CABIN1: variants seen among roughly 807,000 people sequenced by gnomAD.
The protein encoded by CABIN1 is calcineurin-binding protein cabin-1.
CABIN1 carries 133 observed loss-of-function variants against 227.7 expected under a neutral mutation model. The ratio of observed to expected loss-of-function variants is 0.58; its 90% CI spans 0.51 to 0.67. The LOEUF (loss-of-function observed/expected upper bound fraction) is 0.67. Among genes scored for constraint, CABIN1 ranks in the 30% least tolerant of loss-of-function variants. CABIN1 has a pLI of 0.00. For missense variants in CABIN1, 2,408 were observed against 2,852.5 expected, an observed-to-expected ratio of 0.84 and a Z score of 3.55; for synonymous variants, 1,086 against 1,155.1, an observed-to-expected ratio of 0.94 and a Z score of 1.21.
At chr22:24,053,925 G>A (rs1037601806) in intron 8 of CABIN1, among the ~76,000 whole-genome samples, 3 of 152,152 alleles carry the variant, frequency 2.0e-5, no homozygotes, top group Non-Finnish European at 4.4e-5. Context: ...GGGGAAGGCT[G>A]GGTGGTGGAG....
intron 26 of CABIN1, among the ~76,000 whole-genome samples, chr22:24,100,125 G>A (rs1464501086): frequency 6.6e-6 from 1 of 152,282 alleles, no homozygotes; most frequent in South Asian, 2.1e-4. Context: ...TTCAGTGGTT[G>A]CACAGTTTTG....
chr22:24,109,976 C>T (rs1057362385), intron 26 of CABIN1, among the ~76,000 whole-genome samples: 6 of 152,090 alleles, frequency 3.9e-5, no homozygotes, highest in African/African-American at 1.4e-4. Flanking sequence ...TTGAGACCAG[C>T]CTGTCTAACA....
In CABIN1 at chr22:24,064,097, C is replaced by G. The variant is rs201157491; in HGVS notation, c.1947C>G (p.Thr649=). The G allele has an allele frequency of 2.7e-5, 44 of 1,613,986 alleles. No homozygotes were observed. The highest frequency in any genetic ancestry group is 3.5e-5 in the Non-Finnish European group (41 of 1,179,972). ...DICTEMLQSS[T]AIQVEAGAER... is the part of the protein sequence containing the mutation. ...GCACAGAAATGCTCCAGAGTTCCACCGCCATCCAGGTGGAGGCAGGGGCTG... is the reference window on the plus strand; with the variant it reads ...GCACAGAAATGCTCCAGAGTTCCACGGCCATCCAGGTGGAGGCAGGGGCTG... The change falls in exon 15 of 37, where the codon ACC becomes ACG. Residue 649 remains threonine (T), a synonymous_variant. Coordinates refer to ENST00000263119, the MANE Select transcript of CABIN1 (RefSeq NM_012295.4).
At chr22:24,057,368 G>A (rs12171117) in intron 10 of CABIN1, among the ~76,000 whole-genome samples, 3 of 152,182 alleles carry the variant, frequency 2.0e-5, no homozygotes, top group Non-Finnish European at 4.4e-5. Flanking sequence ...TCCCTTAGCT[G>A]AGTGGAGAGG....
At chr22:24,125,641 A>G (rs137863189) in intron 28 of CABIN1, among the ~76,000 whole-genome samples, 11 of 152,316 alleles carry the variant, frequency 7.2e-5, no homozygotes, top group Admixed American at 1.3e-4. Flanking sequence ...GCTGGCCACA[A>G]AGCAGGGTGT....
At chr22:24,079,499 G>A (rs919758049) in intron 19 of CABIN1, among the ~76,000 whole-genome samples, 1 of 152,060 alleles carries the variant, frequency 6.6e-6, no homozygotes, top group East Asian at 1.9e-4. Context: ...CAAAATTATT[G>A]AACAGTTTTA....
In CABIN1 at chr22:24,067,093, C is replaced by T. The variant is rs777687817; in HGVS notation, c.2144C>T (p.Thr715Ile). 1 of 1,614,230 alleles carries T rather than the reference C, an allele frequency of 6.2e-7. No individual in the cohort carries two copies. Among genetic ancestry groups the T allele is most frequent in the Non-Finnish European group, 8.5e-7 (1 of 1,180,038 alleles). Residue 715 changes from threonine to isoleucine, a missense_variant, in exon 16 of 37, where the codon ACT (threonine) becomes ATT (isoleucine). By Grantham distance (89) the Thr-to-Ile change is moderately conservative (BLOSUM62 -1). Transcript: ENST00000263119. Reference sequence around the variant, plus strand: ...GCTGTTGTGCATCTGCTCCGCCCCACTTTGTGCACCAGTGGGTTTGACCGG... The same window carrying T: ...GCTGTTGTGCATCTGCTCCGCCCCATTTTGTGCACCAGTGGGTTTGACCGG... ...YKAVVHLLRP[T>I]LCTSGFDRAK...
At chr22:24,164,366 C>A (rs1403969406) in intron 29 of CABIN1, 34 bp from the exon 30 acceptor site, 1 of 1,599,348 alleles carries the variant, frequency 6.3e-7, no homozygotes, top group Admixed American at 1.7e-5. Context: ...GCCACAACCA[C>A]CCCCCTCACA....
At chr22:24,029,737 G>A (rs2036359421) in intron 1 of CABIN1, among the ~76,000 whole-genome samples, 1 of 152,146 alleles carries the variant, frequency 6.6e-6, no homozygotes, top group South Asian at 2.1e-4. Flanking sequence ...GGGCAGAAGG[G>A]GTGCTGGTCT....
chr22:24,018,514 G>A (rs1459068192), intron 1 of CABIN1, among the ~76,000 whole-genome samples: 1 of 152,178 alleles, frequency 6.6e-6, no homozygotes, highest in Non-Finnish European at 1.5e-5. Context: ...TTTTCCAACA[G>A]TGAATACTGT....
intron 4 of CABIN1, among the ~76,000 whole-genome samples, chr22:24,040,789 T>G (rs1436938932): frequency 6.6e-6 from 1 of 152,222 alleles, no homozygotes; most frequent in Admixed American, 6.5e-5. Context: ...ATACTTTGTC[T>G]TTTATCTTAT....
rs774748257 is a variant in CABIN1, at chr22:24,171,833, A to G, written c.5878A>G (p.Ser1960Gly). ...PVPADSVQRP[S>G]DAHTKPRPAL... ...GCCAGCTGACTCTGTCCAGCGGCCC[A>G]GTGATGCTCACACCAAGCCTCGCCC... Residue 1960 changes from serine to glycine, a missense_variant, in exon 34 of 37, where the codon AGT (serine) becomes GGT (glycine). Ser to Gly is a moderately conservative substitution (Grantham distance 56, BLOSUM62 0). This residue lies in a region of CABIN1 where 714 missense variants were observed against 773.8 expected (regional missense o/e 0.92). Transcript: ENST00000263119. 2.4e-5 allele frequency: 38 copies of G among 1,614,006 alleles called. No individual in the cohort carries two copies. The highest frequency in any genetic ancestry group is 5.0e-5 in the Admixed American group (3 of 60,006).
In CABIN1 at chr22:24,042,973, C is replaced by G. The variant is rs753351557; in HGVS notation, c.415C>G (p.Arg139Gly). 1.1e-5 allele frequency: 18 copies of G among 1,613,700 alleles called. 1 individual carries two copies. The South Asian group carries it at 1.9e-4, about 17-fold the overall frequency. The change falls in exon 6 of 37, where the codon CGG (arginine) becomes GGG (glycine). Residue 139 changes from arginine (R) to glycine (G), a missense_variant. Around this residue, in one of 3 missense-constraint regions of CABIN1, gnomAD observed 1,045 missense variants for 1,168.4 expected, o/e 0.89. Transcript: ENST00000263119. ...TGGACATGTGGCCCTGAGGCTCATCCGGATCCCCCTGGCTCGCCATGCTTT... is the reference window on the plus strand; with the variant it reads ...TGGACATGTGGCCCTGAGGCTCATCGGGATCCCCCTGGCTCGCCATGCTTT... ...KIGHVALRLI[R>G]IPLARHAFEE...
chr22:24,053,361 C>G (rs2147366405), intron 8 of CABIN1, among the ~76,000 whole-genome samples: 1 of 148,818 alleles, frequency 6.7e-6, no homozygotes, highest in Non-Finnish European at 1.5e-5. Flanking sequence ...CAGGCGTGAG[C>G]CACCGCACCC....
At chr22:24,012,329 T>A (rs936201617) in intron 1 of CABIN1, among the ~76,000 whole-genome samples, 1 of 152,188 alleles carries the variant, frequency 6.6e-6, no homozygotes, top group Non-Finnish European at 1.5e-5. Flanking sequence ...TGATTTTTTT[T>A]CCCAAATATG....
Position 24,178,084 on chromosome 22 carries a change from A to T in CABIN1, c.6551A>T (p.Asn2184Ile). The part of the protein sequence containing the change: ...SAILSAQSAA[N>I]VRKESLCQPA... ...ATCCTTTCTGCCCAGTCTGCTGCCA[A>T]CGTGAGGAAGGAGAGCCTATGCCAG... The change falls in exon 37 of 37, where the codon AAC (asparagine) becomes ATC (isoleucine). Residue 2184 changes from asparagine (N) to isoleucine (I), a missense_variant. Transcript: ENST00000263119. 1.2e-6 allele frequency: 2 copies of T among 1,613,760 alleles called. No individual in the cohort carries two copies. The highest frequency in any genetic ancestry group is 2.2e-5 in the South Asian group (2 of 91,084).
Position 24,064,034 on chromosome 22 carries a change from G to C in CABIN1, c.1885-1G>C, listed in dbSNP as rs1455909490. 6.2e-7 allele frequency: 1 copy of C among 1,614,150 alleles called. No individual in the cohort carries two copies. ...CCCTGACCTGTTTTCCGTCTAACCA[G>C]GGAGACATGGAGCAGGCCCTGGAGA... On this transcript the variant is annotated splice_acceptor_variant, in intron 14 of 36. Transcript: ENST00000263119. LOFTEE classifies it high-confidence loss of function.
intron 1 of CABIN1, among the ~76,000 whole-genome samples, chr22:24,024,642 A>G (rs1315077505): frequency 1.3e-5 from 2 of 152,212 alleles, no homozygotes; most frequent in African/African-American, 4.8e-5. Flanking sequence ...AGATACTCAT[A>G]TGATACATAC....
chr22:24,033,774 C>T (rs2036669001), intron 1 of CABIN1, among the ~76,000 whole-genome samples: 1 of 152,154 alleles, frequency 6.6e-6, no homozygotes, highest in Non-Finnish European at 1.5e-5. Context: ...ATTTACATGC[C>T]ATGTAGTTTC....
Sources: gnomAD v4.1 joint callset for allele counts (sites outside exome capture counted in the v4.1 genomes callset) on GRCh38, gnomAD v4.1.1 for gene constraint, gnomAD v4.1.1 regional missense constraint, MANE v1.5 for transcripts, NCBI Gene and HGNC (gene_info 2026-07-23, HGNC 2026-07-21) for gene names.